CEACAM16: variants seen among roughly 807,000 people sequenced by gnomAD.
CEACAM16 encodes cell adhesion molecule CEACAM16.
CEACAM16 carries 30 observed loss-of-function variants against 39.4 expected under a neutral mutation model. The ratio of observed to expected loss-of-function variants is 0.76; its 90% confidence interval spans 0.57 to 1.03. CEACAM16 has a LOEUF of 1.03. Among genes scored for constraint, CEACAM16 ranks in the 50% least tolerant of loss-of-function variants. The probability of loss-of-function intolerance (pLI) is 0.00; values close to 1 mark genes in which losing one functional copy is unlikely to be tolerated. For missense variants in CEACAM16, 521 were observed against 585.3 expected (o/e 0.89, Z 1.13); for synonymous variants, 262 against 264.9 (o/e 0.99, Z 0.11).
At chr19:44,699,890 A>G (rs1297298009) in intron 1 of CEACAM16, among the ~76,000 whole-genome samples, 1 of 151,750 alleles carries the variant, frequency 6.6e-6, no homozygotes, top group Non-Finnish European at 1.5e-5. Context: ...CAGTGGCAGG[A>G]TCTCGGCTCA....
In CEACAM16 at chr19:44,703,674, C is replaced by A; in HGVS notation, c.363C>A (p.Tyr121Ter). 6.4e-7 allele frequency: 1 copy of A among 1,554,366 alleles called. No individual in the cohort carries two copies. The highest frequency in any genetic ancestry group is 8.7e-7 in the Non-Finnish European group (1 of 1,146,546). Residue 121 changes from tyrosine to a stop codon, truncating the protein, a stop_gained, in exon 3 of 7, where the codon TAC becomes TAA. Transcript: ENST00000587331. LOFTEE classifies it high-confidence loss of function. ...GGCAGTTGCAGACCGAGGTGGGCTA[C>A]GGACACGTGCAGGTCCATGGTGAGA... ...FNRQLQTEVG[Y>*]GHVQVHEILA...
At position 44,701,257 on chromosome 19, in the gene CEACAM16, G is replaced by A. The variant is rs1189225630; in HGVS notation, c.-96-104G>A. On this transcript the variant is annotated intron_variant, in intron 1 of 6. Coordinates refer to ENST00000587331, the MANE Select transcript of CEACAM16 (RefSeq NM_001039213.4). This position sits in a 1 kb window ranked among gnomAD's most constrained non-coding sequence, Gnocchi z 4.0. The stretch of plus-strand genomic sequence containing the variant: ...AGGTCACGGCCTCTGGCCGGTGCCC[G>A]CCACACCCACCCTGGTACCCAAACC... 2.5e-5 allele frequency: 17 copies of A among 667,798 alleles called. 1 individual carries two copies. The highest frequency in any genetic ancestry group is 1.4e-4 in the South Asian group (8 of 57,700). The allele number at this position is 667,798 out of a possible 1,614,324, so 41.4% of individuals were successfully genotyped here. A position where few individuals can be genotyped will look rare whatever the true frequency, so the allele number is the denominator to read the frequency against.
In CEACAM16 at chr19:44,701,461, C is replaced by T. The variant is rs377750953; in HGVS notation, c.5C>T (p.Ala2Val). Reference sequence around the variant, plus strand: ...AGACTCGGTTTGGGGTGAAAGATGGCGCTGACTGGGTACAGCTGGCTGCTC... The same window carrying T: ...AGACTCGGTTTGGGGTGAAAGATGGTGCTGACTGGGTACAGCTGGCTGCTC... M[A>V]LTGYSWLLLS... Residue 2 changes from alanine (A) to valine (V), a missense_variant, in exon 2 of 7, where the codon GCG becomes GTG. Ala to Val is a moderately conservative substitution (Grantham distance 64). Transcript: ENST00000587331. This position sits in a 1 kb window ranked among gnomAD's most constrained non-coding sequence, Gnocchi z 4.0. The T allele has an allele frequency of 1.3e-4, 205 of 1,565,024 alleles. No homozygotes were observed. Among genetic ancestry groups the T allele is most frequent in the South Asian group, 1.5e-4 (13 of 84,910 alleles).
intron 4 of CEACAM16, 32 bp from the exon 5 acceptor site, chr19:44,705,558 C>T (rs536360555): frequency 3.2e-6 from 5 of 1,564,238 alleles, no homozygotes; most frequent in East Asian, 4.5e-5. Context: ...CTTCCCTCTA[C>T]TGCCCCATCT....
chr19:44,708,305 A>C, intron 6 of CEACAM16, 118 bp downstream of exon 6: 2 of 1,071,664 alleles, frequency 1.9e-6, no homozygotes, highest in Non-Finnish European at 2.6e-6. Flanking sequence ...CCCATCCCCC[A>C]TCAGGCTGAA....
At chr19:44,702,400 C>G (rs1974361461) in intron 2 of CEACAM16, among the ~76,000 whole-genome samples, 1 of 152,224 alleles carries the variant, frequency 6.6e-6, no homozygotes, top group African/African-American at 2.4e-5. Context: ...GCCGCTGTCA[C>G]ACGGCCAGAG....
chr19:44,702,823 C>G (rs2965166), intron 2 of CEACAM16, among the ~76,000 whole-genome samples: 2,833 of 152,342 alleles, frequency 0.019, 90 homozygotes, highest in African/African-American at 0.065. Context: ...ATGGGAAAAC[C>G]CTTTGGGTCC....
rs186687142 is a variant in CEACAM16, at chr19:44,703,406, G to T, written c.95G>T (p.Ser32Ile). ...ISITLEPAQP[S>I]EGDNVTLVVH... ...ATCACCCTGGAGCCTGCCCAGCCGA[G>T]CGAAGGGGACAACGTCACGCTGGTC... Residue 32 changes from serine to isoleucine, a missense_variant, in exon 3 of 7, where the codon AGC (serine) becomes ATC (isoleucine). Ser to Ile is a moderately radical substitution (Grantham distance 142, BLOSUM62 -2). Coordinates refer to ENST00000587331, the MANE Select transcript of CEACAM16 (RefSeq NM_001039213.4). 1.6e-3 allele frequency: 2,604 copies of T among 1,613,786 alleles called. 8 individuals carry two copies. Among genetic ancestry groups the T allele is most frequent in the Admixed American group, 9.1e-3 (548 of 60,016 alleles).
At position 44,707,957 on chromosome 19, in the gene CEACAM16, TG is replaced by T; in HGVS notation, c.1039del (p.Val347SerfsTer47). 6.2e-7 allele frequency: 1 copy of T among 1,601,762 alleles called. No individual in the cohort carries two copies. The highest frequency in any genetic ancestry group is 1.7e-4 in the Middle Eastern group (1 of 5,890). ...GTGCAGGGCTACCCCAAGGACCTGC[TG>T]GTCTACGCCTGGTACCGCGGGCCTG... ...LTVQGYPKDLLVYAWYRGPAS... is the reference protein window; with the variant it reads ...LTVQGYPKDLXVYAWYRGPAS... On this transcript the variant is annotated frameshift_variant, in exon 6 of 7. Transcript: ENST00000587331. LOFTEE classifies it high-confidence loss of function.
In CEACAM16 at chr19:44,708,056, G is replaced by A. The variant is rs775181236; in HGVS notation, c.1136G>A (p.Arg379Gln). ...TWIAGPAHTG[R>Q]EVGFPNCSLL... ...ATTGCAGGCCCCGCGCACACAGGCC[G>A]GGAGGTGGGCTTCCCCAACTGCTCG... The change falls in exon 6 of 7, where the codon CGG (arginine) becomes CAG (glutamine). Residue 379 changes from arginine to glutamine, a missense_variant. By Grantham distance (43) the Arg-to-Gln change is conservative. Coordinates refer to ENST00000587331, the MANE Select transcript of CEACAM16 (RefSeq NM_001039213.4). The A allele has an allele frequency of 3.0e-5, 49 of 1,612,690 alleles. No homozygotes were observed. The highest frequency in any genetic ancestry group is 3.7e-5 in the Non-Finnish European group (44 of 1,179,614).
chr19:44,709,080 C>G (rs1974495354), intron 6 of CEACAM16, among the ~76,000 whole-genome samples: 1 of 152,038 alleles, frequency 6.6e-6, no homozygotes, highest in Non-Finnish European at 1.5e-5. Flanking sequence ...AGACTGAGAG[C>G]TCCCAGAGTT....
Position 44,701,398 on chromosome 19 carries a change from G to C in CEACAM16, c.-59G>C. On this transcript the variant is annotated 5_prime_UTR_variant, in exon 2 of 7. Transcript: ENST00000587331. This position sits in a 1 kb window ranked among gnomAD's most constrained non-coding sequence, Gnocchi z 4.0. ...ACGGAGCCGAGCCCCAACCAGGAAG[G>C]GAGTCCGAGCACTGGGACTTCAACG... The C allele has an allele frequency of 6.5e-7, 1 of 1,539,618 alleles. No individual in the cohort carries two copies. Among genetic ancestry groups the C allele is most frequent in the South Asian group, 1.2e-5 (1 of 83,866 alleles).
In CEACAM16 at chr19:44,703,393, C is replaced by T. The variant is rs746286359; in HGVS notation, c.82C>T (p.Pro28Ser). Reference protein sequence around the residue: ...VGAEISITLEPAQPSEGDNVT... With the variant: ...VGAEISITLESAQPSEGDNVT... The stretch of plus-strand genomic sequence containing the variant: ...GGCCGAGATCTCTATCACCCTGGAG[C>T]CTGCCCAGCCGAGCGAAGGGGACAA... The change falls in exon 3 of 7, where the codon CCT becomes TCT. Residue 28 changes from proline to serine, a missense_variant. Pro to Ser is a moderately conservative substitution (Grantham distance 74). Coordinates refer to ENST00000587331, the MANE Select transcript of CEACAM16 (RefSeq NM_001039213.4). 6.2e-7 allele frequency: 1 copy of T among 1,613,646 alleles called. No individual in the cohort carries two copies. Among genetic ancestry groups the T allele is most frequent in the Non-Finnish European group, 8.5e-7 (1 of 1,179,860 alleles).
chr19:44,705,463 CT>C (rs547324267), intron 4 of CEACAM16, 126 bp from the exon 5 acceptor site: 32 of 930,056 alleles, frequency 3.4e-5, no homozygotes, highest in Non-Finnish European at 4.1e-5. Flanking sequence ...AAGGCCAGAG[CT>C]TTTTTTCCCC....
At position 44,703,586 on chromosome 19, in the gene CEACAM16, GC is replaced by G. The variant is rs760712385; in HGVS notation, c.277del (p.Leu93TrpfsTer125). 2 of 1,609,532 alleles carry G rather than the reference GC, an allele frequency of 1.2e-6. No individual in the cohort carries two copies. Among genetic ancestry groups the G allele is most frequent in the African/African-American group, 2.7e-5 (2 of 74,794 alleles). On this transcript the variant is annotated frameshift_variant, in exon 3 of 7. Transcript: ENST00000587331. LOFTEE classifies it high-confidence loss of function. Reference sequence around the variant, plus strand: ...CGGGAGGCTGTGCGCCCCGATGGCAGCCTGGACATCCAGGGCATCCTGCCCC... The same window carrying G: ...CGGGAGGCTGTGCGCCCCGATGGCAGCTGGACATCCAGGGCATCCTGCCCC... ...TGREAVRPDG[S>X]LDIQGILPRH...
chr19:44,700,450 ATTATTT>A (rs1568525548), intron 1 of CEACAM16, among the ~76,000 whole-genome samples: 2 of 146,994 alleles, frequency 1.4e-5, no homozygotes, highest in Admixed American at 1.4e-4. Flanking sequence ...TTTTATTATT[ATTATTT>A]TTAGTAGAGA....
intron 6 of CEACAM16, 60 bp downstream of exon 6, chr19:44,708,247 C>T: frequency 1.4e-6 from 2 of 1,420,818 alleles, no homozygotes; most frequent in Non-Finnish European, 1.9e-6. Context: ...CCAAAAGGAG[C>T]CTTTGCTTCC....
chr19:44,707,365 G>A (rs1330058241), intron 5 of CEACAM16, among the ~76,000 whole-genome samples: 2 of 152,168 alleles, frequency 1.3e-5, no homozygotes, highest in Admixed American at 1.3e-4. Context: ...CGCCTTGTAG[G>A]AATTTTCAAT....
intron 4 of CEACAM16, among the ~76,000 whole-genome samples, chr19:44,704,768 C>A: frequency 6.6e-6 from 1 of 150,564 alleles, no homozygotes. Flanking sequence ...AAAACAACAA[C>A]AACAAACAAA....
Sources: gnomAD v4.1 joint callset for allele counts (sites outside exome capture counted in the v4.1 genomes callset) on GRCh38, gnomAD v4.1.1 for gene constraint, Gnocchi (gnomAD v3.1) non-coding constraint, MANE v1.5 for transcripts, NCBI Gene and HGNC (gene_info 2026-07-23, HGNC 2026-07-21) for gene names.